Variants in SLC24A4 observed in about 807,000 individuals in gnomAD.
SLC24A4 encodes sodium/potassium/calcium exchanger 4.
SLC24A4 carries 53 observed loss-of-function variants against 79.0 expected under a neutral mutation model. The ratio of observed to expected loss-of-function variants is 0.67; its 90% confidence interval spans 0.54 to 0.84. The LOEUF (loss-of-function observed/expected upper bound fraction) is 0.84, where lower values mean the gene tolerates loss of function less well. Ranked by LOEUF, SLC24A4 falls within the 40% of genes least tolerant of loss-of-function variation. The pLI is 0.00. For missense variants in SLC24A4, 731 were observed against 822.0 expected, an observed-to-expected ratio of 0.89 and a Z score of 1.35; for synonymous variants, 323 against 323.8, an observed-to-expected ratio of 1.00 and a Z score of 0.03.
chr14:92,380,431 G>A (rs553195235), intron 2 of SLC24A4, among the ~76,000 whole-genome samples: 1 of 152,248 alleles, frequency 6.6e-6, no homozygotes, highest in Non-Finnish European at 1.5e-5. Context: ...GCCAGTTTTT[G>A]CCCCCTTAGA....
chr14:92,351,259 A>C (rs77816393), intron 2 of SLC24A4, among the ~76,000 whole-genome samples: 18,161 of 150,370 alleles, frequency 0.12, 1,171 homozygotes, highest in Admixed American at 0.14. Flanking sequence ...CACACACACA[A>C]AACACCCAAT....
chr14:92,429,535 G>C (rs770606460), intron 2 of SLC24A4, among the ~76,000 whole-genome samples: 6 of 152,212 alleles, frequency 3.9e-5, no homozygotes, highest in South Asian at 2.1e-4. Context: ...CTAGACCTCT[G>C]TATGGGTGAA....
At chr14:92,419,271 G>A (rs560625512) in intron 2 of SLC24A4, among the ~76,000 whole-genome samples, 2 of 152,278 alleles carry the variant, frequency 1.3e-5, no homozygotes, top group South Asian at 4.1e-4. Context: ...GTGAAGGGAG[G>A]TGTCATTCCA....
intron 2 of SLC24A4, among the ~76,000 whole-genome samples, chr14:92,378,144 G>A (rs1888622020): frequency 6.6e-6 from 1 of 152,116 alleles, no homozygotes; most frequent in Admixed American, 6.5e-5. Flanking sequence ...CTTTTCTTTT[G>A]CTCTGTAGAA....
At chr14:92,489,256 G>A (rs1895541891) in intron 14 of SLC24A4, among the ~76,000 whole-genome samples, 7 of 151,920 alleles carry the variant, frequency 4.6e-5, no homozygotes, top group Admixed American at 4.6e-4. Context: ...TGGCCAACAT[G>A]GTGAAACCCC....
At chr14:92,466,541 T>C (rs989066904) in intron 12 of SLC24A4, among the ~76,000 whole-genome samples, 1 of 152,128 alleles carries the variant, frequency 6.6e-6, no homozygotes, top group Non-Finnish European at 1.5e-5. Flanking sequence ...AATTTAATGG[T>C]ACAAAAAAAT....
chr14:92,429,712 G>C (rs961442689), intron 2 of SLC24A4, among the ~76,000 whole-genome samples: 1 of 152,194 alleles, frequency 6.6e-6, no homozygotes, highest in Non-Finnish European at 1.5e-5. Flanking sequence ...CCAATAAAGA[G>C]AGCCTGGTAT....
chr14:92,422,885 C>T (rs1891360704), intron 2 of SLC24A4, among the ~76,000 whole-genome samples: 1 of 152,206 alleles, frequency 6.6e-6, no homozygotes, highest in Non-Finnish European at 1.5e-5. Context: ...GCCATCACTG[C>T]TCACTGCAGC....
intron 2 of SLC24A4, among the ~76,000 whole-genome samples, chr14:92,348,277 T>C (rs896482453): frequency 3.3e-5 from 5 of 152,232 alleles, no homozygotes; most frequent in Non-Finnish European, 7.3e-5. Context: ...TCTAAAGCAC[T>C]TGGCATGGTG....
intron 2 of SLC24A4, among the ~76,000 whole-genome samples, chr14:92,348,259 C>T (rs1171491659): frequency 6.6e-6 from 1 of 152,122 alleles, no homozygotes; most frequent in Non-Finnish European, 1.5e-5. Context: ...ATTGGATGAG[C>T]GAAGGCATCT....
intron 2 of SLC24A4, among the ~76,000 whole-genome samples, chr14:92,365,440 AGGGCTTAGGT>A (rs958515637): frequency 9.2e-5 from 14 of 152,184 alleles, no homozygotes; most frequent in Admixed American, 7.2e-4. Flanking sequence ...CCAGCCCAGG[AGGGCTTAGGT>A]GGACACCCCA....
At chr14:92,446,146 C>T (rs1460558093) in intron 8 of SLC24A4, among the ~76,000 whole-genome samples, 1 of 151,300 alleles carries the variant, frequency 6.6e-6, no homozygotes, top group Non-Finnish European at 1.5e-5. Context: ...CTTTTGATTG[C>T]CAACGATTCA....
At chr14:92,478,094 G>C (rs1417176640) in intron 12 of SLC24A4, among the ~76,000 whole-genome samples, 1 of 151,740 alleles carries the variant, frequency 6.6e-6, no homozygotes, top group African/African-American at 2.4e-5. Flanking sequence ...GGCATGAGCT[G>C]CTGTGCCCAG....
At chr14:92,399,886 G>C (rs573342347) in intron 2 of SLC24A4, among the ~76,000 whole-genome samples, 2 of 152,130 alleles carry the variant, frequency 1.3e-5, no homozygotes, top group South Asian at 4.1e-4. Flanking sequence ...ATGGCAGGTG[G>C]GATACAGTTT....
chr14:92,364,580 C>T (rs150647226), intron 2 of SLC24A4, among the ~76,000 whole-genome samples: 13 of 152,336 alleles, frequency 8.5e-5, no homozygotes, highest in African/African-American at 2.6e-4. Context: ...TTGGAACACA[C>T]AGCCCAGTGG....
rs1040262553 is a variant in SLC24A4 at position 92,497,422 on chromosome 14, G to C, written c.*3794G>C. 4.6e-5 allele frequency: 7 copies of C among 152,316 alleles called. No homozygotes were observed. Among genetic ancestry groups the C allele is most frequent in the Admixed American group, 1.3e-4 (2 of 15,284 alleles). The allele number at this position is 152,316 out of a possible 1,614,324, so 9.4% of individuals were successfully genotyped here. A position where few individuals can be genotyped will look rare whatever the true frequency, so the allele number is the denominator to read the frequency against. On this transcript the variant is annotated 3_prime_UTR_variant, in exon 17 of 17. Transcript: ENST00000532405. Reference sequence around the variant, plus strand: ...CAGACTGGGATTTTGGGAAGGGTGTGGGGGGTGTCATTGCTGGATACCCGT... The same window carrying C: ...CAGACTGGGATTTTGGGAAGGGTGTCGGGGGTGTCATTGCTGGATACCCGT...
Position 92,343,653 on chromosome 14 carries a change from T to TTCCTTCCTTCC in SLC24A4, c.241+17676_241+17677insCCTTCCTTCCT, listed in dbSNP as rs58733128. On this transcript the variant is annotated intron_variant, in intron 2 of 16. Coordinates refer to ENST00000532405, the MANE Select transcript of SLC24A4 (RefSeq NM_153646.4). ...CTTTCTTTCTTTCTCTCTTTCCTTC[T>TTCCTTCCTTCC]TTCCTTCCTTCCTTCCTTCCTTCCT... 5.8e-4 allele frequency among the ~76,000 whole-genome samples: 20 copies of TTCCTTCCTTCC among 34,256 alleles called. 1 individual carries two copies. The highest frequency in any genetic ancestry group is 2.8e-3 in the South Asian group (2 of 724). The allele number at this position is 34,256 out of a possible 152,430, so 22.5% of individuals were successfully genotyped here. A position where few individuals can be genotyped will look rare whatever the true frequency, so the allele number is the denominator to read the frequency against.
Position 92,486,652 on chromosome 14 carries a change from C to T in SLC24A4, c.1423-14C>T, listed in dbSNP as rs770100217. The T allele has an allele frequency of 1.3e-6, 2 of 1,567,200 alleles. No individual in the cohort carries two copies. Among genetic ancestry groups the T allele is most frequent in the Non-Finnish European group, 1.8e-6 (2 of 1,137,486 alleles). ...GTTGGTTGAGAGTTCATGTCTCCAC[C>T]CCACATTCTGCAGGTGACTATTATC... is the stretch of plus-strand genomic sequence containing the variant. On this transcript the variant is annotated splice_polypyrimidine_tract_variant and intron_variant, in intron 13 of 16. Transcript: ENST00000532405.
intron 2 of SLC24A4, among the ~76,000 whole-genome samples, chr14:92,412,381 C>T (rs969910952): frequency 2.0e-5 from 3 of 152,136 alleles, no homozygotes; most frequent in African/African-American, 4.8e-5. Context: ...GCAGTTCCCC[C>T]CAGGAGAACC....
Sources: gnomAD v4.1 joint callset for allele counts (sites outside exome capture counted in the v4.1 genomes callset) on GRCh38, gnomAD v4.1.1 for gene constraint, MANE v1.5 for transcripts, NCBI Gene and HGNC (gene_info 2026-07-23, HGNC 2026-07-21) for gene names.